The following DAP variants were observed in gnomAD, a reference collection of about 807,000 sequenced individuals.
The protein encoded by DAP is death-associated protein 1.
A neutral mutation model predicts 13.8 loss-of-function variants in DAP; 8 were observed. The ratio of observed to expected loss-of-function variants is 0.58; its 90% CI spans 0.34 to 1.05. DAP has a LOEUF of 1.05. Ranked by LOEUF, DAP falls within the 50% of genes least tolerant of loss-of-function variation. The pLI is 0.03. For synonymous variants in DAP, 47 were observed against 47.5 expected, an observed-to-expected ratio of 0.99 and a Z score of 0.04; for missense variants, 106 against 133.2, an observed-to-expected ratio of 0.80 and a Z score of 1.01.
At chr5:10,683,671 G>T in intron 2 of DAP, 100 bp from the exon 3 acceptor site, 3 of 1,126,726 alleles carry the variant, frequency 2.7e-6, no homozygotes, top group Non-Finnish European at 4.0e-6. Flanking sequence ...GCTGGAGGGC[G>T]TGGAGGCAGA....
At chr5:10,730,584 G>GGGA in intron 2 of DAP, among the ~76,000 whole-genome samples, 1 of 138,510 alleles carries the variant, frequency 7.2e-6, no homozygotes, top group East Asian at 2.2e-4. Context: ...GGGTCAGGGG[G>GGGA]AATCTTTCTG....
intron 2 of DAP, among the ~76,000 whole-genome samples, chr5:10,709,293 G>A (rs1738780896): frequency 6.6e-6 from 1 of 152,364 alleles, no homozygotes; most frequent in Middle Eastern, 3.4e-3. Flanking sequence ...AAACCCAGGT[G>A]AGTTACTGGG....
intron 2 of DAP, among the ~76,000 whole-genome samples, chr5:10,698,622 T>C (rs971413632): frequency 1.3e-5 from 2 of 152,194 alleles, no homozygotes; most frequent in African/African-American, 4.8e-5. Context: ...CTCTCCTGGG[T>C]AAATTAATAT....
chr5:10,740,495 C>T (rs1739728648), intron 2 of DAP, among the ~76,000 whole-genome samples: 1 of 152,140 alleles, frequency 6.6e-6, no homozygotes, highest in South Asian at 2.1e-4. Context: ...ATCACAAACA[C>T]ACTGTTGAAA....
intron 2 of DAP, among the ~76,000 whole-genome samples, chr5:10,722,545 TATACATATACATGCATATATATACATAC>T (rs1739172386): frequency 1.4e-5 from 2 of 147,996 alleles, no homozygotes; most frequent in East Asian, 1.9e-4. Flanking sequence ...TATATACATA[TATACATATACATGCATATATATACATAC>T]ATACATATAT....
intron 2 of DAP, among the ~76,000 whole-genome samples, chr5:10,714,098 CAT>C (rs1738922493): frequency 6.6e-6 from 1 of 152,158 alleles, no homozygotes; most frequent in Non-Finnish European, 1.5e-5. Flanking sequence ...TGAGAGTAGA[CAT>C]ATATGTTTTG....
intron 2 of DAP, among the ~76,000 whole-genome samples, chr5:10,702,555 C>T (rs1561012996): frequency 6.6e-6 from 1 of 152,116 alleles, no homozygotes; most frequent in Non-Finnish European, 1.5e-5. Context: ...GGAGCTCAGG[C>T]TAACAGGTAC....
chr5:10,730,645 G>A (rs1301996350), intron 2 of DAP, among the ~76,000 whole-genome samples: 29 of 127,662 alleles, frequency 2.3e-4, no homozygotes, highest in Middle Eastern at 5.1e-3. Flanking sequence ...AGCCCTGGTA[G>A]GGGGGAATCT....
intron 2 of DAP, among the ~76,000 whole-genome samples, chr5:10,736,595 G>A (rs927110730): frequency 3.9e-5 from 6 of 152,206 alleles, no homozygotes; most frequent in African/African-American, 1.4e-4. Context: ...AGTTGCCACA[G>A]GCAAAACGCT....
chr5:10,727,653 G>A (rs1739324565), intron 2 of DAP, among the ~76,000 whole-genome samples: 1 of 152,184 alleles, frequency 6.6e-6, no homozygotes, highest in South Asian at 2.1e-4. Flanking sequence ...AAGATGGAAA[G>A]GGGAGCAGAG....
Position 10,680,959 on chromosome 5 carries a change from C to A in DAP, c.*97G>T, listed in dbSNP as rs1737971426. ...CTTGGTTTTGCCTTAGATTTCCCAG[C>A]AGAGTAGGATTTGGGCGAAACTGCT... On this transcript the variant is annotated 3_prime_UTR_variant, in exon 4 of 4. Coordinates refer to ENST00000230895, the MANE Select transcript of DAP (RefSeq NM_004394.3). 6.5e-7 allele frequency: 1 copy of A among 1,542,886 alleles called. No homozygotes were observed. Among genetic ancestry groups the A allele is most frequent in the Non-Finnish European group, 8.7e-7 (1 of 1,146,994 alleles).
intron 2 of DAP, among the ~76,000 whole-genome samples, chr5:10,709,963 C>G (rs1416467581): frequency 1.3e-5 from 2 of 152,208 alleles, no homozygotes; most frequent in African/African-American, 2.4e-5. Context: ...TCCTCAAACA[C>G]AGAGGCCCAG....
intron 2 of DAP, among the ~76,000 whole-genome samples, chr5:10,708,281 T>C (rs1738748264): frequency 6.6e-6 from 1 of 151,848 alleles, no homozygotes; most frequent in African/African-American, 2.4e-5. Context: ...TGTGATGCAG[T>C]GGGCACAAGT....
At position 10,758,619 on chromosome 5, in the gene DAP, G is replaced by A. The variant is rs182172502; in HGVS notation, c.55+2395C>T. ...TGGTACCCTGATGCTGAAGCGGGACGTGAGACTCACTGCAGCAAACACAGC... is the reference window on the plus strand; with the variant it reads ...TGGTACCCTGATGCTGAAGCGGGACATGAGACTCACTGCAGCAAACACAGC... On this transcript the variant is annotated intron_variant, in intron 1 of 3. Transcript: ENST00000230895. Among the ~76,000 whole-genome samples, 4 of 152,250 alleles carry A rather than the reference G, an allele frequency of 2.6e-5. No homozygotes were observed. The East Asian group carries it at 5.8e-4, about 22-fold the overall frequency.
chr5:10,752,374 T>C (rs1056305163), intron 1 of DAP, among the ~76,000 whole-genome samples: 1 of 152,258 alleles, frequency 6.6e-6, no homozygotes, highest in Non-Finnish European at 1.5e-5. Flanking sequence ...ACATATTTAT[T>C]GTGATTGTTG....
chr5:10,729,298 C>A (rs1046535417), intron 2 of DAP, among the ~76,000 whole-genome samples: 1 of 152,154 alleles, frequency 6.6e-6, no homozygotes, highest in African/African-American at 2.4e-5. Context: ...AAACTTTATA[C>A]CCCACCACCA....
In DAP at chr5:10,756,364, G is replaced by A. The variant is rs1394636550; in HGVS notation, c.55+4650C>T. 2.2e-5 allele frequency among the ~76,000 whole-genome samples: 2 copies of A among 91,548 alleles called. 1 individual carries two copies. Among genetic ancestry groups the A allele is most frequent in the African/African-American group, 9.4e-5 (2 of 21,200 alleles). 60.1% of individuals were successfully genotyped at this position (91,548 alleles called of 152,430 possible). On this transcript the variant is annotated intron_variant, in intron 1 of 3. Coordinates refer to ENST00000230895, the MANE Select transcript of DAP (RefSeq NM_004394.3). ...CACAGGGTTAATAGAAGACAAATTA[G>A]TCTTCTGTTTCTAGCAATGGATAAT...
At position 10,709,495 on chromosome 5, in the gene DAP, T is replaced by A. The variant is rs78380666; in HGVS notation, c.153-25924A>T. 8.3e-3 allele frequency among the ~76,000 whole-genome samples: 1,268 copies of A among 152,298 alleles called. 21 individuals are homozygous for A. Among genetic ancestry groups the A allele is most frequent in the African/African-American group, 0.028 (1,183 of 41,560 alleles). On this transcript the variant is annotated intron_variant, in intron 2 of 3. Transcript: ENST00000230895. ...GAAAGGATTTTCAATTCCAACCTCA[T>A]TGCTTGGGTGTGTTCAAAACATCCC... is the stretch of plus-strand genomic sequence containing the variant.
At chr5:10,740,264 G>A (rs549019624) in intron 2 of DAP, among the ~76,000 whole-genome samples, 7 of 152,230 alleles carry the variant, frequency 4.6e-5, no homozygotes, top group African/African-American at 7.2e-5. Context: ...AAGAGTCGGC[G>A]GCAGAGAGGA....
Sources: allele counts gnomAD v4.1 joint callset (sites outside exome capture counted in the v4.1 genomes callset), GRCh38; gene constraint gnomAD v4.1.1; transcripts MANE v1.5; gene names NCBI Gene and HGNC (gene_info 2026-07-23, HGNC 2026-07-21).